The following SAMD5 variants were observed in gnomAD, a reference collection of about 807,000 sequenced individuals.
SAMD5 encodes the protein sterile alpha motif domain containing 5, also known as sterile alpha motif domain-containing protein 5.
Under a neutral mutation model 11.3 loss-of-function variants are expected in SAMD5, and 13 were observed. The ratio of observed to expected loss-of-function variants is 1.15; its 90% CI spans 0.75 to 1.83. The LOEUF (loss-of-function observed/expected upper bound fraction) is 1.83, where lower values mean the gene tolerates loss of function less well. SAMD5 is among the 40% of genes most tolerant of loss of function. SAMD5 has a pLI of 0.00. For missense variants in SAMD5, 255 were observed against 239.1 expected (o/e 1.07, Z -0.44); for synonymous variants, 129 against 111.3 (o/e 1.16, Z -1.00).
the SAMD5 span, among the ~76,000 whole-genome samples, chr6:147,852,023 A>G: frequency 6.6e-6 from 1 of 152,204 alleles, no homozygotes; most frequent in Non-Finnish European, 1.5e-5. Context: ...AGTCCAAAAT[A>G]CAATTATTAG....
the SAMD5 span, among the ~76,000 whole-genome samples, chr6:147,777,076 A>G: frequency 1.3e-5 from 2 of 152,084 alleles, no homozygotes; most frequent in Non-Finnish European, 1.5e-5. Flanking sequence ...GATTAATTTC[A>G]TACTGGTGAG....
chr6:147,680,965 T>G (rs7743870), intron 1 of SAMD5, among the ~76,000 whole-genome samples: 1,859 of 152,260 alleles, frequency 0.012, 52 homozygotes, highest in African/African-American at 0.043. Context: ...TCTTTTCCTG[T>G]AGTCATTTTT....
the SAMD5 span, among the ~76,000 whole-genome samples, chr6:147,756,704 C>T: frequency 1.9e-4 from 29 of 152,278 alleles, no homozygotes; most frequent in Middle Eastern, 3.4e-3. Flanking sequence ...ATCAACCCTG[C>T]GCTCGCGCAG....
At chr6:147,669,650 C>G (rs921272440) in intron 1 of SAMD5, among the ~76,000 whole-genome samples, 2 of 151,904 alleles carry the variant, frequency 1.3e-5, no homozygotes, top group Admixed American at 1.3e-4. Context: ...ACACTTGTCT[C>G]GAACACCCAG....
chr6:147,546,963 C>T (rs1422468401), intron 1 of SAMD5, among the ~76,000 whole-genome samples: 2 of 152,128 alleles, frequency 1.3e-5, no homozygotes, highest in Non-Finnish European at 2.9e-5. Flanking sequence ...TAGTTGATGG[C>T]CTCACCTGAG....
the SAMD5 span, among the ~76,000 whole-genome samples, chr6:147,824,962 G>T: frequency 1.3e-5 from 2 of 152,082 alleles, no homozygotes; most frequent in Non-Finnish European, 2.9e-5. Flanking sequence ...GGGACTAGTA[G>T]ATGTAAAATG....
chr6:147,700,943 T>A (rs537770923), intron 1 of SAMD5, among the ~76,000 whole-genome samples: 23 of 152,290 alleles, frequency 1.5e-4, no homozygotes, highest in South Asian at 1.4e-3. Flanking sequence ...AGATAAATCA[T>A]GGGAGAAGCA....
chr6:147,615,860 A>G (rs1161768741), intron 1 of SAMD5, among the ~76,000 whole-genome samples: 3 of 152,218 alleles, frequency 2.0e-5, no homozygotes, highest in Admixed American at 6.5e-5. Flanking sequence ...TATACCAAAG[A>G]CATAAATTCC....
At chr6:147,733,118 G>A (rs572134766) in intron 1 of SAMD5, among the ~76,000 whole-genome samples, 7 of 152,242 alleles carry the variant, frequency 4.6e-5, no homozygotes, top group African/African-American at 1.4e-4. Flanking sequence ...TACTTGAAGC[G>A]AATTCACTTG....
chr6:147,754,582 C>T, the SAMD5 span, among the ~76,000 whole-genome samples: 4 of 151,916 alleles, frequency 2.6e-5, no homozygotes, highest in African/African-American at 4.8e-5. Context: ...CTTATTTGTC[C>T]ATTTTTGCTT....
chr6:147,801,876 A>G, the SAMD5 span, among the ~76,000 whole-genome samples: 4 of 152,198 alleles, frequency 2.6e-5, no homozygotes, highest in Non-Finnish European at 5.9e-5. Flanking sequence ...GGAAAAAGGA[A>G]CCTTGACCCC....
At chr6:147,718,494 G>T (rs1791499057) in intron 1 of SAMD5, among the ~76,000 whole-genome samples, 1 of 152,150 alleles carries the variant, frequency 6.6e-6, no homozygotes, top group Admixed American at 6.5e-5. Context: ...ACCACCTCAT[G>T]AATTTTTATT....
intron 1 of SAMD5, among the ~76,000 whole-genome samples, chr6:147,602,901 G>A (rs777891067): frequency 1.3e-5 from 2 of 152,148 alleles, no homozygotes; most frequent in Non-Finnish European, 2.9e-5. Context: ...GTGTGGTTGC[G>A]GAGGCTGAGG....
the SAMD5 span, among the ~76,000 whole-genome samples, chr6:147,870,988 T>C: frequency 1.3e-5 from 2 of 152,156 alleles, no homozygotes; most frequent in Admixed American, 6.5e-5. Context: ...GGGGTAGCTT[T>C]GGAAATACTT....
the SAMD5 span, among the ~76,000 whole-genome samples, chr6:147,745,359 AT>A: frequency 1.3e-5 from 2 of 152,224 alleles, no homozygotes; most frequent in South Asian, 2.1e-4. Context: ...ATGGAAAAAA[AT>A]GTCTTTACTG....
At chr6:147,946,570 G>A in the SAMD5 span, among the ~76,000 whole-genome samples, 1 of 152,112 alleles carries the variant, frequency 6.6e-6, no homozygotes, top group Non-Finnish European at 1.5e-5. Context: ...TTAAGTAAAA[G>A]AACAGACTAG....
the SAMD5 span, among the ~76,000 whole-genome samples, chr6:147,850,315 A>G: frequency 6.6e-6 from 1 of 152,196 alleles, no homozygotes; most frequent in African/African-American, 2.4e-5. Flanking sequence ...TGATAAAGTT[A>G]GAAAATCTAG....
intron 1 of SAMD5, among the ~76,000 whole-genome samples, chr6:147,530,563 C>G (rs767026428): frequency 1.3e-5 from 2 of 152,216 alleles, no homozygotes; most frequent in Non-Finnish European, 2.9e-5. Context: ...GTACCTGCCT[C>G]CTGAGCCACA....
intron 1 of SAMD5, among the ~76,000 whole-genome samples, chr6:147,720,886 C>T (rs1338898853): frequency 7.5e-6 from 1 of 132,534 alleles, no homozygotes. Context: ...GTGTGATGTT[C>T]CCCTTCCTGT....
Sources: allele counts gnomAD v4.1 joint callset (sites outside exome capture counted in the v4.1 genomes callset), GRCh38; gene constraint gnomAD v4.1.1; transcripts MANE v1.5; gene names NCBI Gene and HGNC (gene_info 2026-07-23, HGNC 2026-07-21).